The following SOAT1 variants were observed in gnomAD, a reference collection of about 807,000 sequenced individuals.
SOAT1 encodes sterol O-acyltransferase 1.
SOAT1 carries 55 observed loss-of-function variants against 69.5 expected under a neutral mutation model. The ratio of observed to expected loss-of-function variants is 0.79; its 90% CI spans 0.64 to 0.99. The LOEUF is 0.99. Among genes scored for constraint, SOAT1 ranks in the 50% least tolerant of loss-of-function variants. The probability of loss-of-function intolerance (pLI) is 0.00; values close to 1 mark genes in which losing one functional copy is unlikely to be tolerated. For synonymous variants in SOAT1, 231 were observed against 224.7 expected (o/e 1.03, Z -0.25); for missense variants, 580 against 669.3 (o/e 0.87, Z 1.47).
At chr1:179,342,319 CTCTT>C (rs1666367811) in intron 8 of SOAT1, 127 bp downstream of exon 8, 1 of 553,272 alleles carries the variant, frequency 1.8e-6, no homozygotes, top group Non-Finnish European at 3.1e-6. Flanking sequence ...TTTTCTCTTT[CTCTT>C]TCTCTCTCTC....
intron 5 of SOAT1, among the ~76,000 whole-genome samples, chr1:179,339,032 A>G (rs974476827): frequency 2.0e-5 from 3 of 152,182 alleles, no homozygotes; most frequent in Non-Finnish European, 4.4e-5. Flanking sequence ...ATGAGAAGGT[A>G]AAATCTTTGT....
intron 11 of SOAT1, among the ~76,000 whole-genome samples, chr1:179,346,274 C>G (rs1666531283): frequency 6.6e-6 from 1 of 152,140 alleles, no homozygotes. Context: ...CAATCACAGT[C>G]TCTCTCATAT....
At chr1:179,325,432 G>A (rs180913504) in intron 3 of SOAT1, among the ~76,000 whole-genome samples, 30 of 152,216 alleles carry the variant, frequency 2.0e-4, no homozygotes, top group African/African-American at 5.5e-4. Context: ...GATTACAGGC[G>A]TGAGCTACCA....
chr1:179,312,319 AT>A (rs1665245689), intron 2 of SOAT1, among the ~76,000 whole-genome samples: 1 of 152,134 alleles, frequency 6.6e-6, no homozygotes. Flanking sequence ...GGTCCAGGAA[AT>A]TGGTGGTGGT....
chr1:179,339,947 C>G (rs373661654), intron 6 of SOAT1, among the ~76,000 whole-genome samples: 2 of 152,192 alleles, frequency 1.3e-5, no homozygotes, highest in African/African-American at 4.8e-5. Flanking sequence ...TAGAGTATTC[C>G]AGGATGCAAA....
intron 1 of SOAT1, among the ~76,000 whole-genome samples, chr1:179,295,966 ATTTTTTTTTTTTTTTTTTTTTT>A (rs58893158): frequency 2.4e-3 from 125 of 52,034 alleles, no homozygotes; most frequent in African/African-American, 0.01. Flanking sequence ...CGCCCGGCTA[ATTTTTTTTTTTTTTTTTTTTTT>A]TTTTTTTTTT....
At chr1:179,316,924 A>G (rs1665415424) in intron 2 of SOAT1, among the ~76,000 whole-genome samples, 1 of 152,246 alleles carries the variant, frequency 6.6e-6, no homozygotes, top group South Asian at 2.1e-4. Context: ...CCATAAAAAC[A>G]GAGTAATAGG....
At position 179,350,293 on chromosome 1, in the gene SOAT1, T is replaced by G; in HGVS notation, c.1315-3T>G. The G allele has an allele frequency of 6.2e-7, 1 of 1,610,366 alleles. No individual in the cohort carries two copies. Among genetic ancestry groups the G allele is most frequent in the Non-Finnish European group, 8.5e-7 (1 of 1,179,032 alleles). On this transcript the variant is annotated splice_region_variant and splice_polypyrimidine_tract_variant and intron_variant, in intron 13 of 15. Transcript: ENST00000367619. The stretch of plus-strand genomic sequence containing the variant: ...ACTTTGTAGTGTTTTCCTTTTTCTT[T>G]AGTTTTTCTCCAAGAGATTCAAATC...
At chr1:179,341,447 G>T in intron 7 of SOAT1, 137 bp downstream of exon 7, 1 of 865,210 alleles carries the variant, frequency 1.2e-6, no homozygotes, top group Non-Finnish European at 1.7e-6. Context: ...GCCATTATCT[G>T]TAAAATTGTT....
At chr1:179,316,659 C>T (rs1417292233) in intron 2 of SOAT1, among the ~76,000 whole-genome samples, 2 of 152,230 alleles carry the variant, frequency 1.3e-5, no homozygotes, top group Admixed American at 1.3e-4. Flanking sequence ...TCCCACAGTG[C>T]TGGGATTACA....
intron 6 of SOAT1, among the ~76,000 whole-genome samples, chr1:179,339,898 C>T (rs1666275134): frequency 6.6e-6 from 1 of 152,102 alleles, no homozygotes. Flanking sequence ...ACTCTGTATC[C>T]ATGGGTTCTA....
chr1:179,342,144 G>C lies in SOAT1; in HGVS notation c.811G>C (p.Val271Leu). 1 of 1,613,528 alleles carries C rather than the reference G, an allele frequency of 6.2e-7. No homozygotes were observed. Among genetic ancestry groups the C allele is most frequent in the Non-Finnish European group, 8.5e-7 (1 of 1,179,662 alleles). ...TTTTGTAATGAAGGCCCACTCATTT[G>C]TCAGAGAGAACGTGCCTCGGGTACT... is the stretch of plus-strand genomic sequence containing the variant. The part of the protein sequence containing the change: ...IRFVMKAHSF[V>L]RENVPRVLNS... Residue 271 changes from valine (V) to leucine (L), a missense_variant, in exon 8 of 16, where the codon GTC (valine) becomes CTC (leucine). By Grantham distance (32) the Val-to-Leu change is conservative. Coordinates refer to ENST00000367619, the MANE Select transcript of SOAT1 (RefSeq NM_003101.6).
At chr1:179,319,943 A>G (rs899175781) in intron 2 of SOAT1, among the ~76,000 whole-genome samples, 2 of 152,020 alleles carry the variant, frequency 1.3e-5, no homozygotes, top group African/African-American at 4.8e-5. Flanking sequence ...TTGAGTTGTA[A>G]GAGTTCTTTA....
rs768145911 is a variant in SOAT1, at chr1:179,339,500, T to G, written c.452T>G (p.Leu151Arg). The G allele has an allele frequency of 8.7e-6, 14 of 1,613,002 alleles. No homozygotes were observed. The highest frequency in any genetic ancestry group is 2.2e-5 in the East Asian group (1 of 44,760). ...CACATGTTTATTGCCCTCCTCATTC[T>G]CTTTATCCTCAGCACACTTGTAGTA... ...IYHMFIALLI[L>R]FILSTLVVDY... Residue 151 changes from leucine to arginine, a missense_variant, in exon 6 of 16, where the codon CTC becomes CGC. Physicochemically the swap from Leu to Arg is moderately radical, Grantham distance 102. Coordinates refer to ENST00000367619, the MANE Select transcript of SOAT1 (RefSeq NM_003101.6).
At position 179,316,541 on chromosome 1, in the gene SOAT1, C is replaced by T. The variant is rs1029726480; in HGVS notation, c.119-6896C>T. On this transcript the variant is annotated intron_variant, in intron 2 of 15. Coordinates refer to ENST00000367619, the MANE Select transcript of SOAT1 (RefSeq NM_003101.6). ...CCTCTTGAGTAGCTGGGATTACAGG[C>T]ATGTGCCACCACGCCAGCTAATTTT... Among the ~76,000 whole-genome samples the T allele has an allele frequency of 5.3e-5, 8 of 152,282 alleles. No homozygotes were observed. The East Asian group carries it at 1.5e-3, about 29-fold the overall frequency.
intron 4 of SOAT1, among the ~76,000 whole-genome samples, 186 bp from the exon 5 acceptor site, chr1:179,337,651 C>G (rs140574880): frequency 6.6e-6 from 1 of 152,060 alleles, no homozygotes; most frequent in Non-Finnish European, 1.5e-5. Context: ...ATACATAAAA[C>G]TGTAACACAA....
At chr1:179,309,096 T>C (rs1665130131) in intron 2 of SOAT1, among the ~76,000 whole-genome samples, 1 of 152,206 alleles carries the variant, frequency 6.6e-6, no homozygotes, top group South Asian at 2.1e-4. Flanking sequence ...GATACATTCT[T>C]TTTTTGAGAC....
intron 3 of SOAT1, among the ~76,000 whole-genome samples, chr1:179,329,506 A>T (rs941441074): frequency 1.3e-5 from 2 of 152,084 alleles, no homozygotes; most frequent in Admixed American, 6.6e-5. Flanking sequence ...CTGGCGGATC[A>T]CATGAGTTCG....
At chr1:179,320,014 G>A (rs141994122) in intron 2 of SOAT1, among the ~76,000 whole-genome samples, 76 of 152,106 alleles carry the variant, frequency 5.0e-4, no homozygotes, top group African/African-American at 1.7e-3. Context: ...CATTCTATGG[G>A]TTGTCGTTTT....
Sources: gnomAD v4.1 joint callset for allele counts (sites outside exome capture counted in the v4.1 genomes callset) on GRCh38, gnomAD v4.1.1 for gene constraint, MANE v1.5 for transcripts, NCBI Gene and HGNC (gene_info 2026-07-23, HGNC 2026-07-21) for gene names.